CIMIP7: variants seen among roughly 807,000 people sequenced by gnomAD.
The protein encoded by CIMIP7 is ciliary microtubule inner protein 7, also known as uncharacterized protein C3orf84.
the CIMIP7 span, among the ~76,000 whole-genome samples, chr3:49,190,561 C>T: frequency 6.6e-6 from 1 of 151,100 alleles, no homozygotes; most frequent in African/African-American, 2.4e-5. Flanking sequence ...AGTGGCACAA[C>T]CTCAGCTCAC....
the CIMIP7 span, chr3:49,191,825 AT>A: frequency 1.3e-6 from 2 of 1,517,174 alleles, no homozygotes; most frequent in Admixed American, 3.9e-5. Context: ...TTTGGAGGGT[AT>A]CTTCAGGAAA....
chr3:49,188,485 G>C, the CIMIP7 span, among the ~76,000 whole-genome samples: 1 of 152,170 alleles, frequency 6.6e-6, no homozygotes, highest in African/African-American at 2.4e-5. Flanking sequence ...TGGAGGAAAA[G>C]AGAGAGGAGG....
At chr3:49,177,981 G>T in the CIMIP7 span, 1 of 1,613,286 alleles carries the variant, frequency 6.2e-7, no homozygotes, top group Non-Finnish European at 8.5e-7. Flanking sequence ...CCCAGCGCAG[G>T]AAGGTGTGCC....
At chr3:49,189,926 G>T in the CIMIP7 span, 1 of 856,708 alleles carries the variant, frequency 1.2e-6, no homozygotes, top group Non-Finnish European at 2.0e-6. Flanking sequence ...AGGGATAGGT[G>T]TCAGTACAGC....
chr3:49,179,674 C>G, the CIMIP7 span, among the ~76,000 whole-genome samples: 1 of 152,158 alleles, frequency 6.6e-6, no homozygotes, highest in Non-Finnish European at 1.5e-5. Context: ...CATTTTTCAC[C>G]TGCTAACATA....
chr3:49,181,545 C>A, the CIMIP7 span, among the ~76,000 whole-genome samples: 1 of 152,020 alleles, frequency 6.6e-6, no homozygotes, highest in African/African-American at 2.4e-5. Flanking sequence ...GTGGTCCCAG[C>A]AACTAGGAAA....
the CIMIP7 span, among the ~76,000 whole-genome samples, chr3:49,184,546 C>T: frequency 2.6e-5 from 4 of 152,074 alleles, no homozygotes; most frequent in Non-Finnish European, 5.9e-5. Context: ...GTCTTGAACT[C>T]CTGACCTTGA....
chr3:49,189,733 A>G, the CIMIP7 span: 1 of 500,560 alleles, frequency 2.0e-6, no homozygotes, highest in African/African-American at 1.9e-5. Flanking sequence ...AGCAAAACTC[A>G]AGGCTTACTT....
chr3:49,180,799 G>A, the CIMIP7 span, among the ~76,000 whole-genome samples: 17 of 151,902 alleles, frequency 1.1e-4, no homozygotes, highest in Middle Eastern at 3.4e-3. Flanking sequence ...GTGTGATGGC[G>A]GGCGCCTGTA....
At chr3:49,186,690 A>T in the CIMIP7 span, among the ~76,000 whole-genome samples, 1 of 152,228 alleles carries the variant, frequency 6.6e-6, no homozygotes, top group Non-Finnish European at 1.5e-5. Context: ...GGCGTGAGCC[A>T]CCGCACCCAG....
At chr3:49,185,974 C>T in the CIMIP7 span, among the ~76,000 whole-genome samples, 9 of 150,636 alleles carry the variant, frequency 6.0e-5, no homozygotes, top group African/African-American at 1.7e-4. Flanking sequence ...CGTGAGTCAC[C>T]GCGCCCGGCT....
chr3:49,189,735 G>A, the CIMIP7 span: 2 of 504,012 alleles, frequency 4.0e-6, no homozygotes, highest in South Asian at 3.4e-5. Flanking sequence ...CAAAACTCAA[G>A]GCTTACTTCC....
chr3:49,191,734 TG>T, the CIMIP7 span: 1,400 of 1,592,176 alleles, frequency 8.8e-4, 12 homozygotes, highest in African/African-American at 0.016. Flanking sequence ...TAACATAAAG[TG>T]CACTCTTACC....
At chr3:49,178,681 G>A in the CIMIP7 span, 1 of 666,526 alleles carries the variant, frequency 1.5e-6, no homozygotes. Context: ...CCAACAGACA[G>A]AGGGCAGAGA....
chr3:49,185,980 C>T, the CIMIP7 span, among the ~76,000 whole-genome samples: 1 of 150,450 alleles, frequency 6.6e-6, no homozygotes, highest in African/African-American at 2.4e-5. Flanking sequence ...TCACCGCGCC[C>T]GGCTATAATT....
At chr3:49,180,744 C>A in the CIMIP7 span, among the ~76,000 whole-genome samples, 1 of 151,566 alleles carries the variant, frequency 6.6e-6, no homozygotes, top group Admixed American at 6.6e-5. Context: ...TCCTGGCTAT[C>A]ATGGTGAAAC....
chr3:49,182,891 CG>C, the CIMIP7 span, among the ~76,000 whole-genome samples: 4 of 152,054 alleles, frequency 2.6e-5, no homozygotes, highest in Admixed American at 2.6e-4. Context: ...CTGCCCGGGG[CG>C]GGGGGGCCAG....
chr3:49,187,666 GAC>G, the CIMIP7 span, among the ~76,000 whole-genome samples: 1 of 152,102 alleles, frequency 6.6e-6, no homozygotes, highest in Non-Finnish European at 1.5e-5. Context: ...GTATGTCATG[GAC>G]AAAAATTTTA....
chr3:49,191,014 A>G, the CIMIP7 span, among the ~76,000 whole-genome samples: 4 of 152,130 alleles, frequency 2.6e-5, no homozygotes, highest in Admixed American at 2.6e-4. Flanking sequence ...GAAATAAGCA[A>G]CTATCAGAGG....
Sources: allele counts gnomAD v4.1 joint callset (sites outside exome capture counted in the v4.1 genomes callset), GRCh38; gene constraint gnomAD v4.1.1; transcripts MANE v1.5; gene names NCBI Gene and HGNC (gene_info 2026-07-23, HGNC 2026-07-21).